ATP2B3: variants seen among roughly 807,000 people sequenced by gnomAD.
The protein encoded by ATP2B3 is plasma membrane calcium-transporting ATPase 3.
In ATP2B3, 12 loss-of-function variants were observed where a neutral mutation model predicts 70.8. The observed-to-expected ratio is 0.17, with a 90% confidence interval of 0.11 to 0.27. The LOEUF is 0.27. ATP2B3 is among the 10% of genes least tolerant of loss of function. The probability of loss-of-function intolerance (pLI) is 1.00; values close to 1 mark genes in which losing one functional copy is unlikely to be tolerated. For synonymous variants in ATP2B3, 460 were observed against 497.8 expected, an observed-to-expected ratio of 0.92 and a Z score of 1.01; for missense variants, 858 against 1,118.5, an observed-to-expected ratio of 0.77 and a Z score of 3.32.
intron 21 of ATP2B3, among the ~76,000 whole-genome samples, chrX:153,577,283 G>C (rs4898360): frequency 0.5 from 55,437 of 111,834 alleles, 11,920 homozygotes; most frequent in Non-Finnish European, 0.68. Flanking sequence ...TGGCCTGGCT[G>C]TCCTTTATGG....
chrX:153,540,130 G>A (rs1328321235), intron 3 of ATP2B3, among the ~76,000 whole-genome samples: 3 of 112,421 alleles, frequency 2.7e-5, no homozygotes, highest in African/African-American at 6.5e-5. Context: ...GTCGGGCAGC[G>A]TAGGTTCTGT....
chrX:153,523,262 T>C (rs1401904164), intron 2 of ATP2B3, among the ~76,000 whole-genome samples: 3 of 112,776 alleles, frequency 2.7e-5, no homozygotes, highest in Non-Finnish European at 5.6e-5. Context: ...CATTCAACAG[T>C]TATTTACCAA....
At chrX:153,525,163 G>A (rs184489680) in intron 2 of ATP2B3, among the ~76,000 whole-genome samples, 128 of 112,370 alleles carry the variant, frequency 1.1e-3, no homozygotes, top group African/African-American at 3.8e-3. Context: ...ACTGTGGGCC[G>A]GCAGAAGATG....
At chrX:153,543,237 G>A in intron 7 of ATP2B3, 69 bp downstream of exon 7, 1 of 1,133,481 alleles carries the variant, frequency 8.8e-7, no homozygotes, top group African/African-American at 1.8e-5. Flanking sequence ...TTCTTTCTTT[G>A]CGGGCCGGTG....
intron 7 of ATP2B3, among the ~76,000 whole-genome samples, chrX:153,544,969 G>C (rs910708624): frequency 8.9e-6 from 1 of 112,987 alleles, no homozygotes; most frequent in Admixed American, 9.2e-5. Flanking sequence ...GTGCTGTGCG[G>C]TCATCGCACT....
intron 17 of ATP2B3, chrX:153,559,431 G>C: frequency 3.0e-6 from 1 of 333,309 alleles, no homozygotes; most frequent in South Asian, 6.4e-5. Flanking sequence ...CCCTCACTCT[G>C]TTGCCCCAAA....
chrX:153,556,169 G>T lies in ATP2B3; in HGVS notation c.2179G>T (p.Asp727Tyr), dbSNP rs782796114. The change falls in exon 14 of 22, where the codon GAC becomes TAC. Residue 727 changes from aspartate to tyrosine, a missense_variant. Physicochemically the swap from Asp to Tyr is radical, Grantham distance 160. This residue lies in a region of ATP2B3 where 242 missense variants were observed against 281.3 expected (regional missense o/e 0.86). Transcript: ENST00000263519. ...ATGCGGCATCATCCAGCCCGGGGAG[G>T]ACTTCCTGTGCCTAGAAGGGAAGGA... ...AKCGIIQPGE[D>Y]FLCLEGKEFN... The T allele has an allele frequency of 1.7e-6, 2 of 1,211,854 alleles. No homozygotes were observed. The highest frequency in any genetic ancestry group is 4.3e-5 in the Admixed American group (2 of 46,109).
chrX:153,550,232 C>T lies in ATP2B3; in HGVS notation c.1769C>T (p.Pro590Leu). ...TCCATGAGCACAGTCATCCGCATGC[C>T]CGACGGTGGCTTCCGCCTCTTCAGC... is the stretch of plus-strand genomic sequence containing the variant. ...RKSMSTVIRM[P>L]DGGFRLFSKG... is the part of the protein sequence containing the mutation. Residue 590 changes from proline to leucine, a missense_variant, in exon 12 of 22, where the codon CCC becomes CTC. Pro to Leu is a moderately conservative substitution (Grantham distance 98). Around this residue, in one of 5 missense-constraint regions of ATP2B3, gnomAD observed 242 missense variants for 281.3 expected, o/e 0.86. Coordinates refer to ENST00000263519, the MANE Select transcript of ATP2B3 (RefSeq NM_001001344.3). The T allele has an allele frequency of 1.6e-6, 2 of 1,212,401 alleles. No individual in the cohort carries two copies. Among genetic ancestry groups the T allele is most frequent in the Non-Finnish European group, 2.2e-6 (2 of 895,618 alleles).
At chrX:153,519,781 G>C (rs916101364) in intron 2 of ATP2B3, among the ~76,000 whole-genome samples, 1 of 112,713 alleles carries the variant, frequency 8.9e-6, no homozygotes, top group Non-Finnish European at 1.9e-5. Context: ...TGCAGGAGTA[G>C]GCATGCTCTC....
At chrX:153,527,634 G>T (rs2090054065) in intron 2 of ATP2B3, among the ~76,000 whole-genome samples, 1 of 112,623 alleles carries the variant, frequency 8.9e-6, no homozygotes, top group Non-Finnish European at 1.9e-5. Context: ...TGGGATCCAG[G>T]GACACCCAGC....
In ATP2B3 at chrX:153,557,020, C is replaced by A. The variant is rs944165970; in HGVS notation, c.2430C>A (p.Ala810=). 3 of 1,175,168 alleles carry A rather than the reference C, an allele frequency of 2.6e-6. No homozygotes were observed. Among genetic ancestry groups the A allele is most frequent in the Non-Finnish European group, 3.4e-6 (3 of 876,788 alleles). Residue 810 remains alanine, a synonymous_variant, in exon 16 of 22, where the codon GCC becomes GCA. Transcript: ENST00000263519. ...TCAAGAAGGCGGACGTGGGCTTCGC[C>A]ATGGTAAGCCACCTGGTGCCCGCCC... ...PALKKADVGF[A]MGIAGTDVAK...
chrX:153,556,105 T>G lies in ATP2B3; in HGVS notation c.2115T>G (p.Thr705=), dbSNP rs1557013336. ...CTGGCATCACAGTCCGCATGGTGAC[T>G]GGGGACAACATCAACACGGCCCGGG... The part of the protein sequence containing the change: ...QRAGITVRMV[T]GDNINTARAI... The change falls in exon 14 of 22, where the codon ACT becomes ACG. Residue 705 remains threonine, a synonymous_variant. Coordinates refer to ENST00000263519, the MANE Select transcript of ATP2B3 (RefSeq NM_001001344.3). 3 of 1,211,346 alleles carry G rather than the reference T, an allele frequency of 2.5e-6. No homozygotes were observed. Among genetic ancestry groups the G allele is most frequent in the African/African-American group, 1.7e-5 (1 of 57,594 alleles).
At chrX:153,519,473 C>T (rs1025418930) in intron 2 of ATP2B3, among the ~76,000 whole-genome samples, 7 of 111,793 alleles carry the variant, frequency 6.3e-5, no homozygotes, top group East Asian at 2.8e-4. Context: ...CCCCACCCCC[C>T]GCCGCCACTT....
At chrX:153,518,871 A>G (rs2089915823) in intron 2 of ATP2B3, among the ~76,000 whole-genome samples, 1 of 112,303 alleles carries the variant, frequency 8.9e-6, no homozygotes, top group African/African-American at 3.2e-5. Flanking sequence ...GATGAAGCCC[A>G]GGGCCTCCGA....
chrX:153,521,837 AGT>A (rs1486697497), intron 2 of ATP2B3, among the ~76,000 whole-genome samples: 1 of 112,386 alleles, frequency 8.9e-6, no homozygotes, highest in Non-Finnish European at 1.9e-5. Context: ...CGTCACAGAC[AGT>A]GCAGAGAGAG....
At chrX:153,546,716 C>G (rs72616436) in intron 8 of ATP2B3, among the ~76,000 whole-genome samples, 5,372 of 112,989 alleles carry the variant, frequency 0.048, 189 homozygotes, top group African/African-American at 0.11. Context: ...CAGGAGATGT[C>G]GGCCAATGCA....
rs1438705735 is a variant in ATP2B3, at chrX:153,553,162, C to T, written c.1951C>T (p.Arg651Trp). The change falls in exon 13 of 22, where the codon CGG (arginine) becomes TGG (tryptophan). Residue 651 changes from arginine to tryptophan, a missense_variant. By Grantham distance (101) the Arg-to-Trp change is moderately radical. This residue lies in a region of ATP2B3 where 242 missense variants were observed against 281.3 expected (regional missense o/e 0.86). Transcript: ENST00000263519. ...CCTCCGCACCATCTGCATCGCCTACCGGGACTTCTCTGCAGGCCAGGAGCC... is the reference window on the plus strand; with the variant it reads ...CCTCCGCACCATCTGCATCGCCTACTGGGACTTCTCTGCAGGCCAGGAGCC... ...DGLRTICIAY[R>W]DFSAGQEPDW... 1.7e-6 allele frequency: 2 copies of T among 1,210,031 alleles called. No homozygotes were observed. The highest frequency in any genetic ancestry group is 2.2e-6 in the Non-Finnish European group (2 of 895,110).
intron 2 of ATP2B3, among the ~76,000 whole-genome samples, chrX:153,529,669 A>G: frequency 8.9e-6 from 1 of 112,143 alleles, no homozygotes; most frequent in South Asian, 3.7e-4. Context: ...CAGCCGCAGA[A>G]CTTGTTCGTC....
intron 7 of ATP2B3, among the ~76,000 whole-genome samples, chrX:153,544,065 C>G (rs1325475661): frequency 8.9e-6 from 1 of 112,930 alleles, no homozygotes; most frequent in South Asian, 3.6e-4. Context: ...GAAGCTTCGA[C>G]GAGCCCTGCC....
Sources: gnomAD v4.1 joint callset for allele counts (sites outside exome capture counted in the v4.1 genomes callset) on GRCh38, gnomAD v4.1.1 for gene constraint, gnomAD v4.1.1 regional missense constraint, MANE v1.5 for transcripts, NCBI Gene and HGNC (gene_info 2026-07-23, HGNC 2026-07-21) for gene names.